GABRB2: variants seen among roughly 807,000 people sequenced by gnomAD.
GABRB2 encodes gamma-aminobutyric acid type A receptor subunit beta2.
GABRB2 carries 16 observed loss-of-function variants against 54.7 expected under a neutral mutation model. That is an observed-to-expected ratio of 0.29 (90% CI 0.20 to 0.44). The LOEUF (loss-of-function observed/expected upper bound fraction) is 0.44. GABRB2 is among the 20% of genes least tolerant of loss of function. GABRB2 has a pLI of 1.00. For synonymous variants in GABRB2, 244 were observed against 233.8 expected, an observed-to-expected ratio of 1.04 and a Z score of -0.40; for missense variants, 355 against 644.0, an observed-to-expected ratio of 0.55 and a Z score of 4.86.
intron 4 of GABRB2, among the ~76,000 whole-genome samples, chr5:161,450,403 G>A (rs1047136639): frequency 6.6e-6 from 1 of 152,116 alleles, no homozygotes; most frequent in East Asian, 1.9e-4. Context: ...TACAGTAAAA[G>A]GTTGCAACAA....
intron 4 of GABRB2, among the ~76,000 whole-genome samples, chr5:161,420,441 A>G (rs1289413785): frequency 6.6e-6 from 1 of 152,180 alleles, no homozygotes; most frequent in African/African-American, 2.4e-5. Flanking sequence ...GTGTATCCCT[A>G]AAGAGTAGAC....
intron 5 of GABRB2, among the ~76,000 whole-genome samples, chr5:161,356,793 G>A (rs1754644304): frequency 6.6e-6 from 1 of 152,160 alleles, no homozygotes; most frequent in South Asian, 2.1e-4. Context: ...CCTGAAGCCT[G>A]CTTTAGGTCC....
At chr5:161,378,349 G>T (rs1426606800) in intron 5 of GABRB2, among the ~76,000 whole-genome samples, 1 of 152,056 alleles carries the variant, frequency 6.6e-6, no homozygotes, top group African/African-American at 2.4e-5. Context: ...TAAGTATACT[G>T]AAATATGAAC....
intron 3 of GABRB2, among the ~76,000 whole-genome samples, chr5:161,488,135 G>A (rs973473426): frequency 1.3e-5 from 2 of 151,660 alleles, no homozygotes; most frequent in African/African-American, 2.4e-5. Flanking sequence ...CTGCTTCAAG[G>A]GTCAAAATGA....
At chr5:161,499,835 T>C (rs963138418) in intron 3 of GABRB2, among the ~76,000 whole-genome samples, 2 of 152,146 alleles carry the variant, frequency 1.3e-5, no homozygotes, top group Non-Finnish European at 2.9e-5. Context: ...CTTCCTAAAT[T>C]GCCTTGCTTG....
At chr5:161,543,715 C>T (rs1258673359) in intron 3 of GABRB2, among the ~76,000 whole-genome samples, 1 of 152,034 alleles carries the variant, frequency 6.6e-6, no homozygotes, top group Non-Finnish European at 1.5e-5. Flanking sequence ...TATGCTGAAG[C>T]TCAAAATATA....
intron 5 of GABRB2, among the ~76,000 whole-genome samples, chr5:161,402,623 G>A (rs1042709500): frequency 3.3e-5 from 5 of 152,292 alleles, no homozygotes; most frequent in Middle Eastern, 3.4e-3. Context: ...ATGAAGCAGG[G>A]CTAAGGAGAG....
chr5:161,375,631 G>A (rs1755271064), intron 5 of GABRB2, among the ~76,000 whole-genome samples: 1 of 152,162 alleles, frequency 6.6e-6, no homozygotes, highest in African/African-American at 2.4e-5. Flanking sequence ...AACAGGCTTT[G>A]TTTTCAGCAC....
Position 161,519,435 on chromosome 5 carries a change from T to C in GABRB2, c.237+25792A>G, listed in dbSNP as rs187346097. On this transcript the variant is annotated intron_variant, in intron 3 of 9. Transcript: ENST00000393959. ...AAGAAGGCTTTATGAAGCTCTCCTCTAGGTGCCTGCTCTTCTGACAATCAT... is the reference window on the plus strand; with the variant it reads ...AAGAAGGCTTTATGAAGCTCTCCTCCAGGTGCCTGCTCTTCTGACAATCAT... Among the ~76,000 whole-genome samples, 264 of 152,302 alleles carry C rather than the reference T, an allele frequency of 1.7e-3. 1 individual carries two copies. The highest frequency in any genetic ancestry group is 6.1e-3 in the African/African-American group (252 of 41,584).
intron 5 of GABRB2, among the ~76,000 whole-genome samples, chr5:161,358,964 T>C (rs541506997): frequency 6.6e-6 from 1 of 152,290 alleles, no homozygotes; most frequent in African/African-American, 2.4e-5. Flanking sequence ...TTAAGTGGGC[T>C]TTTTCTTCAC....
chr5:161,533,034 T>C (rs943672267), intron 3 of GABRB2, among the ~76,000 whole-genome samples: 1 of 152,152 alleles, frequency 6.6e-6, no homozygotes, highest in Non-Finnish European at 1.5e-5. Context: ...GCCTTTGTGT[T>C]AGGAGAGAAG....
intron 3 of GABRB2, among the ~76,000 whole-genome samples, chr5:161,489,751 C>T (rs181513281): frequency 6.6e-6 from 1 of 151,808 alleles, no homozygotes; most frequent in East Asian, 1.9e-4. Flanking sequence ...AGAAAAAATG[C>T]TACCCAAAAA....
intron 4 of GABRB2, among the ~76,000 whole-genome samples, chr5:161,436,628 C>A (rs1757319377): frequency 6.6e-6 from 1 of 151,838 alleles, no homozygotes; most frequent in African/African-American, 2.4e-5. Context: ...CACAAGGACA[C>A]CAAGTTAACA....
intron 4 of GABRB2, among the ~76,000 whole-genome samples, chr5:161,442,808 GT>G (rs1281056924): frequency 6.6e-6 from 1 of 151,358 alleles, no homozygotes; most frequent in Admixed American, 6.6e-5. Flanking sequence ...CCTGTGACAT[GT>G]TCCCCCATCT....
chr5:161,447,402 G>T (rs1366139381), intron 4 of GABRB2, among the ~76,000 whole-genome samples: 1 of 152,104 alleles, frequency 6.6e-6, no homozygotes, highest in African/African-American at 2.4e-5. Context: ...TCTCTTAGTT[G>T]TCAGCCTGTT....
rs1308592448 is a variant in GABRB2 at position 161,292,524 on chromosome 5, C to A, written c.*1557G>T. On this transcript the variant is annotated 3_prime_UTR_variant, in exon 10 of 10. Coordinates refer to ENST00000393959, the MANE Select transcript of GABRB2 (RefSeq NM_001371727.1). ...TGTCCAATTAGTGTAGAAAGAAGCA[C>A]AATGGCATAACTTAAAAATAGAAAA... 1 of 152,110 alleles carries A rather than the reference C, an allele frequency of 6.6e-6. No homozygotes were observed. Among genetic ancestry groups the A allele is most frequent in the Non-Finnish European group, 1.5e-5 (1 of 68,012 alleles). The allele number at this position is 152,110 out of a possible 1,614,324, so 9.4% of individuals were successfully genotyped here. A position where few individuals can be genotyped will look rare whatever the true frequency, so the allele number is the denominator to read the frequency against.
At chr5:161,328,297 C>A (rs1753714809) in intron 8 of GABRB2, among the ~76,000 whole-genome samples, 1 of 152,086 alleles carries the variant, frequency 6.6e-6, no homozygotes, top group African/African-American at 2.4e-5. Flanking sequence ...ATGGGGACTG[C>A]AAATTTTATT....
intron 9 of GABRB2, among the ~76,000 whole-genome samples, chr5:161,305,268 G>A (rs181449887): frequency 3.3e-5 from 5 of 151,082 alleles, no homozygotes; most frequent in Non-Finnish European, 7.4e-5. Flanking sequence ...CACCCACCTC[G>A]GCCTCCCAAA....
At chr5:161,542,636 T>C (rs1197792322) in intron 3 of GABRB2, among the ~76,000 whole-genome samples, 1 of 152,212 alleles carries the variant, frequency 6.6e-6, no homozygotes, top group Non-Finnish European at 1.5e-5. Context: ...CCAGTACAAA[T>C]GAGTCAATGA....
Sources: allele counts gnomAD v4.1 joint callset (sites outside exome capture counted in the v4.1 genomes callset), GRCh38; gene constraint gnomAD v4.1.1; transcripts MANE v1.5; gene names NCBI Gene and HGNC (gene_info 2026-07-23, HGNC 2026-07-21).